Variants in TMLHE observed in about 807,000 individuals in gnomAD.
TMLHE encodes the protein trimethyllysine hydroxylase, epsilon.
TMLHE carries 18 observed loss-of-function variants against 25.7 expected under a neutral mutation model. The ratio of observed to expected loss-of-function variants is 0.70; its 90% CI spans 0.48 to 1.04. TMLHE has a LOEUF of 1.04. Among genes scored for constraint, TMLHE ranks in the 50% least tolerant of loss-of-function variants. The probability of loss-of-function intolerance (pLI) is 0.00; values close to 1 mark genes in which losing one functional copy is unlikely to be tolerated. For synonymous variants in TMLHE, 105 were observed against 97.0 expected, an observed-to-expected ratio of 1.08 and a Z score of -0.49; for missense variants, 236 against 259.0, an observed-to-expected ratio of 0.91 and a Z score of 0.61.
chrX:155,561,697 G>C (rs2067497282), intron 1 of TMLHE, among the ~76,000 whole-genome samples: 1 of 62,474 alleles, frequency 1.6e-5, no homozygotes, highest in African/African-American at 3.6e-5. Flanking sequence ...TACAAGCATT[G>C]GGTAAATGCT....
intron 3 of TMLHE, among the ~76,000 whole-genome samples, chrX:155,516,010 CTTCTTTTT>C (rs1262059914): frequency 2.1e-4 from 14 of 67,027 alleles, no homozygotes; most frequent in Non-Finnish European, 2.8e-5. Context: ...TTGTACTTTT[CTTCTTTTT>C]TTTTTTTTTT....
intron 1 of TMLHE, among the ~76,000 whole-genome samples, chrX:155,611,157 C>T (rs1172872844): frequency 9.0e-6 from 1 of 111,488 alleles, no homozygotes; most frequent in South Asian, 3.8e-4. Flanking sequence ...ATCAGCCACT[C>T]CTTCCCTAGA....
chrX:155,568,738 C>G (rs1301932097), intron 1 of TMLHE, among the ~76,000 whole-genome samples: 1 of 61,456 alleles, frequency 1.6e-5, no homozygotes, highest in African/African-American at 3.6e-5. Context: ...CTGGAGTGGA[C>G]CTCTAACAAA....
intron 1 of TMLHE, among the ~76,000 whole-genome samples, chrX:155,584,684 T>C (rs1448756628): frequency 4.5e-5 from 5 of 110,822 alleles, no homozygotes; most frequent in African/African-American, 1.6e-4. Context: ...GCAGAAGTCT[T>C]ACAGGACAGG....
chrX:155,509,691 C>G (rs2067095271), intron 5 of TMLHE, among the ~76,000 whole-genome samples: 1 of 111,680 alleles, frequency 9.0e-6, no homozygotes, highest in African/African-American at 3.3e-5. Flanking sequence ...GTTCTTCCTT[C>G]CCTGAATCAA....
intron 2 of TMLHE, among the ~76,000 whole-genome samples, chrX:155,530,737 C>T (rs2067245211): frequency 8.9e-6 from 1 of 112,250 alleles, no homozygotes; most frequent in African/African-American, 3.2e-5. Flanking sequence ...ACTACTGAAC[C>T]TTGGGTAAAA....
intron 2 of TMLHE, among the ~76,000 whole-genome samples, chrX:155,541,973 A>T (rs1349032690): frequency 3.7e-5 from 4 of 108,900 alleles, no homozygotes; most frequent in African/African-American, 6.7e-5. Context: ...GATTGCAAAA[A>T]TTTTCTCCCA....
chrX:155,533,173 C>T (rs1350444692), intron 2 of TMLHE, among the ~76,000 whole-genome samples: 2 of 111,668 alleles, frequency 1.8e-5, no homozygotes, highest in Non-Finnish European at 3.8e-5. Context: ...ACTTACATAT[C>T]AGCCTTCCAT....
intron 1 of TMLHE, among the ~76,000 whole-genome samples, chrX:155,593,862 C>T (rs1392896078): frequency 5.5e-5 from 6 of 109,438 alleles, no homozygotes; most frequent in Middle Eastern, 4.7e-3. Flanking sequence ...AATCAGTGAG[C>T]TCAAAGACAG....
intron 4 of TMLHE, among the ~76,000 whole-genome samples, chrX:155,512,075 T>C (rs1372246661): frequency 1.8e-5 from 2 of 111,834 alleles, no homozygotes; most frequent in Non-Finnish European, 3.8e-5. Flanking sequence ...CCAGTTTTCA[T>C]AGCCTTCATA....
At chrX:155,608,456 T>C (rs2067800264) in intron 1 of TMLHE, among the ~76,000 whole-genome samples, 1 of 111,760 alleles carries the variant, frequency 8.9e-6, no homozygotes, top group Non-Finnish European at 1.9e-5. Context: ...TAAAAACCCT[T>C]GAAGAAGACC....
chrX:155,583,190 G>A lies in TMLHE; in HGVS notation c.-2+29602C>T, dbSNP rs1313353411. ...CCTGTCGTGGGGTTGGGGGATGGGG[G>A]AGGGATAGTATTAGGAGATATACCT... On this transcript the variant is annotated intron_variant, in intron 1 of 7. Coordinates refer to ENST00000334398, the MANE Select transcript of TMLHE (RefSeq NM_018196.4). Among the ~76,000 whole-genome samples, 4 of 111,208 alleles carry A rather than the reference G, an allele frequency of 3.6e-5. No homozygotes were observed. The East Asian group carries it at 1.1e-3, about 31-fold the overall frequency.
At chrX:155,549,368 G>C (rs929608396) in intron 1 of TMLHE, among the ~76,000 whole-genome samples, 1 of 110,097 alleles carries the variant, frequency 9.1e-6, no homozygotes, top group African/African-American at 3.4e-5. Context: ...TTTTGTTATT[G>C]TTATTAATGG....
intron 1 of TMLHE, among the ~76,000 whole-genome samples, chrX:155,548,473 T>A (rs6642284): frequency 1.8e-5 from 2 of 110,441 alleles, no homozygotes; most frequent in Non-Finnish European, 3.8e-5. Flanking sequence ...CGGTGGCTCA[T>A]GCCTGAAATC....
At chrX:155,581,291 C>G (rs1252821076) in intron 1 of TMLHE, among the ~76,000 whole-genome samples, 3 of 111,570 alleles carry the variant, frequency 2.7e-5, no homozygotes, top group African/African-American at 9.8e-5. Flanking sequence ...TCTCACCACT[C>G]CTATTCAACA....
At chrX:155,528,547 A>C (rs1045287368) in intron 2 of TMLHE, among the ~76,000 whole-genome samples, 1 of 111,466 alleles carries the variant, frequency 9.0e-6, no homozygotes, top group Non-Finnish European at 1.9e-5. Flanking sequence ...TTTGCATAAC[A>C]TAGCTTAGCT....
intron 1 of TMLHE, among the ~76,000 whole-genome samples, chrX:155,551,716 A>G (rs1206789073): frequency 1.8e-5 from 2 of 110,278 alleles, no homozygotes; most frequent in Non-Finnish European, 3.8e-5. Context: ...TAACATATTT[A>G]CAATAACAGT....
chrX:155,577,626 A>T (rs1427311753), intron 1 of TMLHE, among the ~76,000 whole-genome samples: 1 of 111,254 alleles, frequency 9.0e-6, no homozygotes, highest in Non-Finnish European at 1.9e-5. Context: ...ACAATGAGAT[A>T]CCATCTCACA....
intron 1 of TMLHE, among the ~76,000 whole-genome samples, chrX:155,558,298 CT>C (rs2067472144): frequency 8.9e-6 from 1 of 111,967 alleles, no homozygotes; most frequent in Non-Finnish European, 1.9e-5. Flanking sequence ...AAGAATCAGT[CT>C]AGATATCATC....
Sources: allele counts gnomAD v4.1 joint callset (sites outside exome capture counted in the v4.1 genomes callset), GRCh38; gene constraint gnomAD v4.1.1; transcripts MANE v1.5; gene names NCBI Gene and HGNC (gene_info 2026-07-23, HGNC 2026-07-21).